PIEZO2: variants seen among roughly 807,000 people sequenced by gnomAD.
The protein encoded by PIEZO2 is piezo-type mechanosensitive ion channel component 2.
In PIEZO2, 172 loss-of-function variants were observed where a neutral mutation model predicts 337.3. That is an observed-to-expected ratio of 0.51 (90% confidence interval 0.45 to 0.58). The LOEUF is 0.58. Ranked by LOEUF, PIEZO2 falls within the 20% of genes least tolerant of loss-of-function variation. The pLI is 0.00. For missense variants in PIEZO2, 3,028 were observed against 3,391.3 expected, an observed-to-expected ratio of 0.89 and a Z score of 2.66; for synonymous variants, 1,251 against 1,228.5, an observed-to-expected ratio of 1.02 and a Z score of -0.38.
Position 11,105,342 on chromosome 18 carries a change from A to G in PIEZO2, c.65-39120T>C, listed in dbSNP as rs1446368133. Reference sequence around the variant, plus strand: ...TTAAAATTCAGACTTACTCCTCTAGACTGTAAACCACACAACTAAACTCGA... The same window carrying G: ...TTAAAATTCAGACTTACTCCTCTAGGCTGTAAACCACACAACTAAACTCGA... On this transcript the variant is annotated intron_variant, in intron 1 of 55. Coordinates refer to ENST00000674853, the MANE Select transcript of PIEZO2 (RefSeq NM_001378183.1). This position sits in a 1 kb window ranked among gnomAD's most constrained non-coding sequence, Gnocchi z 4.3. Among the ~76,000 whole-genome samples the G allele has an allele frequency of 6.6e-6, 1 of 152,168 alleles. No homozygotes were observed. Among genetic ancestry groups the G allele is most frequent in the Non-Finnish European group, 1.5e-5 (1 of 68,038 alleles).
At chr18:10,797,614 T>A (rs1181630718) in intron 11 of PIEZO2, 92 bp from the exon 12 acceptor site, 1 of 1,465,730 alleles carries the variant, frequency 6.8e-7, no homozygotes, top group East Asian at 2.5e-5. Flanking sequence ...ATGGTTTTGG[T>A]ATAGCCTTTT....
intron 2 of PIEZO2, among the ~76,000 whole-genome samples, chr18:11,054,131 T>C (rs190145655): frequency 9.1e-4 from 138 of 152,350 alleles, no homozygotes; most frequent in African/African-American, 3.2e-3. Flanking sequence ...TGCAGGACAA[T>C]CTCAATCCTA....
chr18:10,777,503 A>C (rs1052100741), intron 18 of PIEZO2, among the ~76,000 whole-genome samples: 4 of 152,248 alleles, frequency 2.6e-5, no homozygotes, highest in African/African-American at 7.2e-5. Flanking sequence ...TGGGTGAAGA[A>C]ATTTTATGCA....
At chr18:10,922,074 C>G (rs553962655) in intron 3 of PIEZO2, among the ~76,000 whole-genome samples, 1 of 152,104 alleles carries the variant, frequency 6.6e-6, no homozygotes, top group Non-Finnish European at 1.5e-5. Flanking sequence ...GCCCTGCCTC[C>G]GTTTGCCTTG....
intron 1 of PIEZO2, among the ~76,000 whole-genome samples, chr18:11,133,776 C>T (rs908202860): frequency 3.3e-5 from 5 of 150,342 alleles, no homozygotes; most frequent in African/African-American, 1.2e-4. Context: ...TAAGTTAATA[C>T]TTAATAAACT....
chr18:10,853,564 A>G lies in PIEZO2; in HGVS notation c.917+1789T>C, dbSNP rs553563170. 1.2e-4 allele frequency among the ~76,000 whole-genome samples: 19 copies of G among 152,278 alleles called. No individual in the cohort carries two copies. Among genetic ancestry groups the G allele is most frequent in the Non-Finnish European group, 2.8e-4 (19 of 68,034 alleles). On this transcript the variant is annotated intron_variant, in intron 7 of 55. Transcript: ENST00000674853. The surrounding 1 kb of genome is among the most constrained non-coding windows in gnomAD (Gnocchi z 4.2). ...GACTCAGATGTGTTTCACTGCTAACATTACCATTTCTGTCCCCTTTCTTTT... is the reference window on the plus strand; with the variant it reads ...GACTCAGATGTGTTTCACTGCTAACGTTACCATTTCTGTCCCCTTTCTTTT...
chr18:11,016,093 C>A lies in PIEZO2; in HGVS notation c.161-36433G>T, dbSNP rs768854993. ...CCTCCTTCTCCATTGCTCCTGTAGA[C>A]CCAAACCAACAACAGCAGGACCTCT... On this transcript the variant is annotated intron_variant, in intron 2 of 55. Coordinates refer to ENST00000674853, the MANE Select transcript of PIEZO2 (RefSeq NM_001378183.1). This position sits in a 1 kb window ranked among gnomAD's most constrained non-coding sequence, Gnocchi z 5.6. 1.6e-4 allele frequency among the ~76,000 whole-genome samples: 24 copies of A among 152,142 alleles called. No homozygotes were observed. The highest frequency in any genetic ancestry group is 3.4e-4 in the Non-Finnish European group (23 of 68,030).
intron 2 of PIEZO2, among the ~76,000 whole-genome samples, chr18:10,991,155 T>TACACACACACAC (rs374157292): frequency 7.1e-6 from 1 of 140,550 alleles, no homozygotes; most frequent in African/African-American, 2.6e-5. Flanking sequence ...GAAGGTTTTA[T>TACACACACACAC]ACACACACAC....
At position 10,758,020 on chromosome 18, in the gene PIEZO2, T is replaced by C. The variant is rs1179702583; in HGVS notation, c.3872A>G (p.Asp1291Gly). 2 of 1,537,058 alleles carry C rather than the reference T, an allele frequency of 1.3e-6. No homozygotes were observed. The highest frequency in any genetic ancestry group is 3.9e-5 in the Admixed American group (2 of 50,968). The change falls in exon 27 of 56, where the codon GAT becomes GGT. Residue 1291 changes from aspartate to glycine, a missense_variant. Transcript: ENST00000674853. Reference protein sequence around the residue: ...GDNVEICMNLDAASFSQHNPV... With the variant: ...GDNVEICMNLGAASFSQHNPV... The stretch of plus-strand genomic sequence containing the variant: ...GTTATGTTGGCTGAAGGAGGCCGCA[T>C]CAAGGTTCATGCAGATCTCGACATT...
At chr18:10,796,243 G>T (rs910791758) in intron 12 of PIEZO2, among the ~76,000 whole-genome samples, 1 of 151,812 alleles carries the variant, frequency 6.6e-6, no homozygotes, top group South Asian at 2.1e-4. Flanking sequence ...GGTGGCAGGC[G>T]CCTGTAGTCC....
At chr18:10,772,430 A>G (rs905719300) in intron 20 of PIEZO2, among the ~76,000 whole-genome samples, 19 of 152,224 alleles carry the variant, frequency 1.2e-4, no homozygotes, top group Non-Finnish European at 2.5e-4. Flanking sequence ...CCTAGACTTA[A>G]GTCCTTGGCC....
chr18:10,762,383 T>C (rs942563088), intron 23 of PIEZO2, 117 bp downstream of exon 23: 1 of 1,291,896 alleles, frequency 7.7e-7, no homozygotes, highest in Non-Finnish European at 1.0e-6. Flanking sequence ...TGATGCCAAA[T>C]CCCACATGAG....
At chr18:10,840,989 T>C (rs1047099794) in intron 7 of PIEZO2, among the ~76,000 whole-genome samples, 2 of 152,180 alleles carry the variant, frequency 1.3e-5, no homozygotes, top group Admixed American at 1.3e-4. Flanking sequence ...AAAGGAAAGG[T>C]TCCTCAATGT....
At chr18:10,912,909 T>C (rs553080651) in intron 3 of PIEZO2, among the ~76,000 whole-genome samples, 2 of 152,132 alleles carry the variant, frequency 1.3e-5, no homozygotes, top group Non-Finnish European at 2.9e-5. Context: ...GGCTTATATT[T>C]TCACATGAAG....
intron 3 of PIEZO2, among the ~76,000 whole-genome samples, chr18:10,917,206 T>G (rs1246310665): frequency 1.3e-5 from 2 of 152,164 alleles, no homozygotes; most frequent in Admixed American, 6.5e-5. Flanking sequence ...TCTAATTTTT[T>G]TCTGTAATAG....
chr18:10,763,886 A>G (rs568729504), intron 21 of PIEZO2, among the ~76,000 whole-genome samples: 1 of 152,292 alleles, frequency 6.6e-6, no homozygotes, highest in South Asian at 2.1e-4. Context: ...GCTGGACTTG[A>G]TGACTGATTG....
At chr18:10,978,263 G>C (rs985471992) in intron 3 of PIEZO2, among the ~76,000 whole-genome samples, 1 of 152,044 alleles carries the variant, frequency 6.6e-6, no homozygotes, top group Non-Finnish European at 1.5e-5. Flanking sequence ...GTGAACCCGG[G>C]AGGCAGAGCT....
rs79675836 is a variant in PIEZO2 at position 11,077,793 on chromosome 18, C to G, written c.65-11571G>C. ...TGTCAAAAACAGGTAGATACTAACA[C>G]GTTCAGTTCAACATAAAATAAGGTG... On this transcript the variant is annotated intron_variant, in intron 1 of 55. Transcript: ENST00000674853. This position sits in a 1 kb window ranked among gnomAD's most constrained non-coding sequence, Gnocchi z 4.8. Among the ~76,000 whole-genome samples, 2 of 152,034 alleles carry G rather than the reference C, an allele frequency of 1.3e-5. No homozygotes were observed. Among genetic ancestry groups the G allele is most frequent in the South Asian group, 2.1e-4 (1 of 4,822 alleles).
intron 3 of PIEZO2, among the ~76,000 whole-genome samples, chr18:10,924,088 A>C (rs1374501089): frequency 1.3e-5 from 2 of 152,238 alleles, no homozygotes; most frequent in African/African-American, 2.4e-5. Context: ...CTCAGAAGAC[A>C]CTTATTGTCC....
Sources: gnomAD v4.1 joint callset for allele counts (sites outside exome capture counted in the v4.1 genomes callset) on GRCh38, gnomAD v4.1.1 for gene constraint, Gnocchi (gnomAD v3.1) non-coding constraint, MANE v1.5 for transcripts, NCBI Gene and HGNC (gene_info 2026-07-23, HGNC 2026-07-21) for gene names.